Variants in SUPT6H observed in about 807,000 individuals in gnomAD.
SUPT6H encodes SPT6 homolog, histone chaperone and transcription elongation factor.
In SUPT6H, 11 loss-of-function variants were observed where a neutral mutation model predicts 222.3. The ratio of observed to expected loss-of-function variants is 0.05; its 90% confidence interval spans 0.03 to 0.08. The LOEUF (loss-of-function observed/expected upper bound fraction) is 0.08, where lower values mean the gene tolerates loss of function less well. Ranked by LOEUF, SUPT6H falls within the 10% of genes least tolerant of loss-of-function variation. SUPT6H has a pLI of 1.00. For missense variants in SUPT6H, 1,422 were observed against 2,216.0 expected (o/e 0.64, Z 7.19); for synonymous variants, 762 against 801.2 (o/e 0.95, Z 0.83).
intron 28 of SUPT6H, 89 bp from the exon 29 acceptor site, chr17:28,695,263 T>G: frequency 1.4e-6 from 2 of 1,381,764 alleles, no homozygotes; most frequent in Non-Finnish European, 2.0e-6. Context: ...TACACCTTTC[T>G]GCCTGGACTT....
At chr17:28,678,713 C>A in intron 10 of SUPT6H, 79 bp downstream of exon 10, 2 of 1,610,982 alleles carry the variant, frequency 1.2e-6, no homozygotes, top group South Asian at 2.2e-5. Context: ...AACCCAAACC[C>A]CCCAGGCCTG....
rs1438256297 is a variant in SUPT6H, at chr17:28,688,296, C to G, written c.3134+78C>G. On this transcript the variant is annotated intron_variant, in intron 24 of 36. Coordinates refer to ENST00000314616, the MANE Select transcript of SUPT6H (RefSeq NM_003170.5). The surrounding 1 kb of genome is among the most constrained non-coding windows in gnomAD (Gnocchi z 4.3). ...TTCGGGTTTCAGGGGTTAGGGCTAT[C>G]AAAGGGCCACAAGCCATTTTAACTT... 7 of 1,487,846 alleles carry G rather than the reference C, an allele frequency of 4.7e-6. No homozygotes were observed. The highest frequency in any genetic ancestry group is 6.3e-6 in the Non-Finnish European group (7 of 1,110,950). The allele number at this position is 1,487,846 out of a possible 1,614,324, so 92.2% of individuals were successfully genotyped here.
At chr17:28,677,887 C>T in intron 8 of SUPT6H, 71 bp downstream of exon 8, 2 of 1,445,928 alleles carry the variant, frequency 1.4e-6, no homozygotes, top group Non-Finnish European at 1.9e-6. Context: ...AGCTCTTCCT[C>T]CCCTATTTCA....
intron 25 of SUPT6H, 66 bp from the exon 26 acceptor site, chr17:28,690,016 C>A (rs915583696): frequency 1.1e-5 from 17 of 1,551,898 alleles, no homozygotes; most frequent in Non-Finnish European, 1.4e-5. Flanking sequence ...GCCCCTTCCA[C>A]GGGACTCCTT....
chr17:28,683,244 A>G lies in SUPT6H; in HGVS notation c.1879-24A>G, dbSNP rs746476341. ...CCTGGCCCAGCCCATCCGCAGGCTC[A>G]TGATTCCCCCTTCATGTGTGCAGGA... On this transcript the variant is annotated intron_variant, in intron 15 of 36. Coordinates refer to ENST00000314616, the MANE Select transcript of SUPT6H (RefSeq NM_003170.5). 5 of 1,610,746 alleles carry G rather than the reference A, an allele frequency of 3.1e-6. No individual in the cohort carries two copies. In the South Asian group the frequency reaches 3.3e-5, roughly 11 times the overall value.
At chr17:28,691,274 C>A (rs2031629909) in intron 27 of SUPT6H, 1 of 601,210 alleles carries the variant, frequency 1.7e-6, no homozygotes, top group Non-Finnish European at 2.7e-6. Flanking sequence ...CGCCTATAAT[C>A]CTAGCACTTT....
rs2031090869 is a variant in SUPT6H at position 28,681,327 on chromosome 17, A to T, written c.1421A>T (p.Asp474Val). Residue 474 changes from aspartate to valine, a missense_variant, in exon 12 of 37, where the codon GAC becomes GTC. By Grantham distance (152) the Asp-to-Val change is radical. This residue lies in a region of SUPT6H where 389 missense variants were observed against 544.6 expected (regional missense o/e 0.71). Coordinates refer to ENST00000314616, the MANE Select transcript of SUPT6H (RefSeq NM_003170.5). ...CATTTTCTTCTTTATTATGGCCGAG[A>T]CATCCCTAAGATGCAGAACGCCGCC... ...YNHFLLYYGR[D>V]IPKMQNAAKA... 6.2e-7 allele frequency: 1 copy of T among 1,613,888 alleles called. No individual in the cohort carries two copies. The highest frequency in any genetic ancestry group is 8.5e-7 in the Non-Finnish European group (1 of 1,179,988).
At position 28,693,939 on chromosome 17, in the gene SUPT6H, A is replaced by G. The variant is rs1261907079; in HGVS notation, c.3774+103A>G. On this transcript the variant is annotated intron_variant, in intron 28 of 36. Coordinates refer to ENST00000314616, the MANE Select transcript of SUPT6H (RefSeq NM_003170.5). The stretch of plus-strand genomic sequence containing the variant: ...CCACCAGAAGTTAGGCTCTGTTCCC[A>G]GTGGCTGCTGGTGGGAAGTGTTTCA... 6.1e-5 allele frequency: 91 copies of G among 1,485,446 alleles called. 1 individual carries two copies. The highest frequency in any genetic ancestry group is 8.2e-5 in the Non-Finnish European group (89 of 1,084,332). The allele number at this position is 1,485,446 out of a possible 1,614,324, so 92.0% of individuals were successfully genotyped here.
chr17:28,673,003 T>G, intron 1 of SUPT6H: 1 of 175,920 alleles, frequency 5.7e-6, no homozygotes, highest in Non-Finnish European at 1.2e-5. Flanking sequence ...GTACAAAAAT[T>G]AGCCAGGCAT....
At chr17:28,698,793 ACT>A (rs2032025958) in intron 32 of SUPT6H, among the ~76,000 whole-genome samples, 1 of 152,038 alleles carries the variant, frequency 6.6e-6, no homozygotes, top group African/African-American at 2.4e-5. Flanking sequence ...GAAGCCCTAG[ACT>A]CTGTACCGTG....
chr17:28,675,469 C>T lies in SUPT6H; in HGVS notation c.607C>T (p.Pro203Ser). 1 of 1,614,152 alleles carries T rather than the reference C, an allele frequency of 6.2e-7. No homozygotes were observed. Among genetic ancestry groups the T allele is most frequent in the Non-Finnish European group, 8.5e-7 (1 of 1,180,020 alleles). The change falls in exon 6 of 37, where the codon CCT becomes TCT. Residue 203 changes from proline (P) to serine (S), a missense_variant. Around this residue, in one of 13 missense-constraint regions of SUPT6H, gnomAD observed 389 missense variants for 544.6 expected, o/e 0.71. Coordinates refer to ENST00000314616, the MANE Select transcript of SUPT6H (RefSeq NM_003170.5). ...LKKPKWRKKL[P>S]GYTDAALQEA... ...AAAACCTAAGTGGCGGAAAAAGCTT[C>T]CTGGATACACAGACGCGTGAGTGGG...
chr17:28,690,573 G>A (rs934913687), intron 26 of SUPT6H, among the ~76,000 whole-genome samples: 2 of 152,226 alleles, frequency 1.3e-5, no homozygotes, highest in East Asian at 3.9e-4. Flanking sequence ...CCAGGAGTTC[G>A]AGACCAGTCT....
chr17:28,671,149 C>T (rs2030390978), intron 1 of SUPT6H: 1 of 152,186 alleles, frequency 6.6e-6, no homozygotes, highest in Non-Finnish European at 1.5e-5. Context: ...CTTAAGGCAC[C>T]TTCAGGTAGC....
chr17:28,665,428 T>C (rs920966077), intron 1 of SUPT6H, among the ~76,000 whole-genome samples: 1 of 152,134 alleles, frequency 6.6e-6, no homozygotes, highest in Admixed American at 6.5e-5. Flanking sequence ...ATGGACCTAG[T>C]CTTGTACGTG....
intron 32 of SUPT6H, among the ~76,000 whole-genome samples, chr17:28,698,405 T>C (rs1260747713): frequency 1.3e-5 from 2 of 152,216 alleles, no homozygotes; most frequent in Non-Finnish European, 1.5e-5. Context: ...AGTGGCTCAC[T>C]GTTGCTGTAA....
At chr17:28,696,557 C>T (rs991964589) in intron 29 of SUPT6H, among the ~76,000 whole-genome samples, 3 of 126,348 alleles carry the variant, frequency 2.4e-5, no homozygotes, top group Non-Finnish European at 1.6e-5. Flanking sequence ...CACTGCACTA[C>T]AACGTGGGTG....
At chr17:28,701,335 G>A in intron 36 of SUPT6H, 104 bp from the exon 37 acceptor site, 1 of 1,468,884 alleles carries the variant, frequency 6.8e-7, no homozygotes, top group South Asian at 1.3e-5. Flanking sequence ...CAGTAGAGGG[G>A]CTGCTGCCCA....
At chr17:28,673,845 A>G (rs1472565885) in intron 2 of SUPT6H, among the ~76,000 whole-genome samples, 1 of 152,128 alleles carries the variant, frequency 6.6e-6, no homozygotes, top group Non-Finnish European at 1.5e-5. Context: ...CTCGTTTCCT[A>G]TTTCTCTGGC....
chr17:28,697,107 C>T, intron 30 of SUPT6H, 25 bp downstream of exon 30: 1 of 1,600,658 alleles, frequency 6.2e-7, no homozygotes, highest in South Asian at 1.1e-5. Context: ...CTGCCCACCT[C>T]CCATCCCACT....
Sources: gnomAD v4.1 joint callset for allele counts (sites outside exome capture counted in the v4.1 genomes callset) on GRCh38, gnomAD v4.1.1 for gene constraint, gnomAD v4.1.1 regional missense constraint, Gnocchi (gnomAD v3.1) non-coding constraint, MANE v1.5 for transcripts, NCBI Gene and HGNC (gene_info 2026-07-23, HGNC 2026-07-21) for gene names.